AAK1: variants seen among roughly 807,000 people sequenced by gnomAD.
The protein encoded by AAK1 is AP2-associated protein kinase 1.
In AAK1, 37 loss-of-function variants were observed where a neutral mutation model predicts 116.0. The observed-to-expected ratio is 0.32, with a 90% CI of 0.25 to 0.42. The LOEUF (loss-of-function observed/expected upper bound fraction) is 0.42, where lower values mean the gene tolerates loss of function less well. Ranked by LOEUF, AAK1 falls within the 10% of genes least tolerant of loss-of-function variation. The probability of loss-of-function intolerance (pLI) is 1.00; values close to 1 mark genes in which losing one functional copy is unlikely to be tolerated. For missense variants in AAK1, 919 were observed against 1,170.6 expected (o/e 0.79, Z 3.14); for synonymous variants, 458 against 439.9 (o/e 1.04, Z -0.51).
At chr2:69,494,636 A>G (rs1055656396) in intron 17 of AAK1, among the ~76,000 whole-genome samples, 1 of 152,172 alleles carries the variant, frequency 6.6e-6, no homozygotes, top group Admixed American at 6.5e-5. Context: ...TACAGCCCAC[A>G]CTTTTCTAAC....
intron 8 of AAK1, among the ~76,000 whole-genome samples, chr2:69,529,762 T>A (rs1670177003): frequency 6.6e-6 from 1 of 152,166 alleles, no homozygotes; most frequent in Non-Finnish European, 1.5e-5. Flanking sequence ...ACTATACTGC[T>A]CCAGGCAGTT....
intron 2 of AAK1, among the ~76,000 whole-genome samples, chr2:69,563,376 T>C (rs543777165): frequency 7.8e-4 from 118 of 152,232 alleles, no homozygotes; most frequent in Non-Finnish European, 1.3e-3. Flanking sequence ...TGAGAATGAT[T>C]AGACTAGGAA....
chr2:69,511,027 G>A (rs1676373436), intron 13 of AAK1, among the ~76,000 whole-genome samples: 1 of 152,100 alleles, frequency 6.6e-6, no homozygotes, highest in Non-Finnish European at 1.5e-5. Flanking sequence ...CAAGGAAAAT[G>A]AACAAAAAAT....
In AAK1 at chr2:69,484,913, AG is replaced by A. The variant is rs755766310; in HGVS notation, c.2366-2102del. ...ATAAATAAAAACATAAAAAAAAGGA[AG>A]GAAAAAAAAGGAAGTTTTTCAGTTG... is the stretch of plus-strand genomic sequence containing the variant. On this transcript the variant is annotated intron_variant, in intron 17 of 21. Transcript: ENST00000409085. 2.7e-3 allele frequency among the ~76,000 whole-genome samples: 403 copies of A among 151,964 alleles called. 3 individuals carry two copies. The highest frequency in any genetic ancestry group is 0.014 in the Middle Eastern group (4 of 294).
At chr2:69,509,175 C>T in intron 14 of AAK1, 56 bp downstream of exon 14, 1 of 1,480,140 alleles carries the variant, frequency 6.8e-7, no homozygotes, top group South Asian at 1.1e-5. Context: ...ACACTAACAG[C>T]CGCAGGCAGA....
Position 69,472,235 on chromosome 2 carries a change from T to C in AAK1, c.*3634A>G, listed in dbSNP as rs939408219. ...TTACTGTCTTCAACAGTAACCACTC[T>C]TCATCTTACAGGGTTGAATTTGCTT... On this transcript the variant is annotated 3_prime_UTR_variant, in exon 22 of 22. Transcript: ENST00000409085. The C allele has an allele frequency of 4.5e-6, 4 of 891,844 alleles. No homozygotes were observed. Among genetic ancestry groups the C allele is most frequent in the Non-Finnish European group, 5.4e-6 (4 of 744,776 alleles). 55.2% of individuals were successfully genotyped at this position (891,844 alleles called of 1,614,324 possible).
At chr2:69,507,073 C>G (rs1001108461) in intron 15 of AAK1, among the ~76,000 whole-genome samples, 4 of 152,164 alleles carry the variant, frequency 2.6e-5, no homozygotes, top group Admixed American at 2.0e-4. Flanking sequence ...AGTAAACCAA[C>G]CTAGGATGAG....
chr2:69,505,093 C>T (rs927318458), intron 16 of AAK1, among the ~76,000 whole-genome samples: 1 of 151,398 alleles, frequency 6.6e-6, no homozygotes, highest in Admixed American at 6.6e-5. Context: ...AAATACCTCC[C>T]TCCTTCTCCC....
At chr2:69,476,087 C>T in intron 21 of AAK1, 124 bp from the exon 22 acceptor site, 1 of 1,461,682 alleles carries the variant, frequency 6.8e-7, no homozygotes, top group Admixed American at 2.6e-5. Context: ...CCAAAAAAAC[C>T]AAACCCTAGA....
rs1338270331 is a variant in AAK1 at position 69,468,638 on chromosome 2, T to G, written c.*7231A>C. The G allele has an allele frequency of 3.0e-6, 3 of 985,258 alleles. No individual in the cohort carries two copies. In the African/African-American group the frequency reaches 5.2e-5, roughly 17 times the overall value. 61.0% of individuals were successfully genotyped at this position (985,258 alleles called of 1,614,324 possible). A position where few individuals can be genotyped will look rare whatever the true frequency, so the allele number is the denominator to read the frequency against. On this transcript the variant is annotated 3_prime_UTR_variant, in exon 22 of 22. Transcript: ENST00000409085. Reference sequence around the variant, plus strand: ...AACACTAGTTTGAACAGAGTCAGTGTTTTTTGGAAATTTAAACTGAATTCA... The same window carrying G: ...AACACTAGTTTGAACAGAGTCAGTGGTTTTTGGAAATTTAAACTGAATTCA...
intron 2 of AAK1, among the ~76,000 whole-genome samples, chr2:69,586,490 C>T (rs145673003): frequency 6.6e-6 from 1 of 152,284 alleles, no homozygotes; most frequent in East Asian, 1.9e-4. Context: ...CGTCAGGAAA[C>T]CTGGGTTCCA....
At chr2:69,533,052 C>A (rs1385688046) in intron 5 of AAK1, among the ~76,000 whole-genome samples, 1 of 152,054 alleles carries the variant, frequency 6.6e-6, no homozygotes, top group Non-Finnish European at 1.5e-5. Flanking sequence ...TATGTGTGGG[C>A]AGTAAAATGG....
chr2:69,625,217 G>T (rs141285428), intron 2 of AAK1, among the ~76,000 whole-genome samples: 4 of 152,328 alleles, frequency 2.6e-5, no homozygotes, highest in African/African-American at 9.6e-5. Flanking sequence ...TAGTCATCCA[G>T]TGTCCAGTCC....
intron 5 of AAK1, among the ~76,000 whole-genome samples, chr2:69,536,378 G>A (rs974368867): frequency 6.6e-6 from 1 of 152,084 alleles, no homozygotes; most frequent in Non-Finnish European, 1.5e-5. Context: ...AGCCAACAAG[G>A]GCAGGTACAA....
intron 3 of AAK1, among the ~76,000 whole-genome samples, chr2:69,548,853 T>C (rs1671048333): frequency 6.6e-6 from 1 of 152,086 alleles, no homozygotes; most frequent in South Asian, 2.1e-4. Context: ...TCCACCTGCC[T>C]TGGCCTCCCA....
Position 69,514,760 on chromosome 2 carries a change from A to C in AAK1, c.1498-11T>G. 1.9e-6 allele frequency: 3 copies of C among 1,566,342 alleles called. No homozygotes were observed. Among genetic ancestry groups the C allele is most frequent in the Non-Finnish European group, 2.6e-6 (3 of 1,154,986 alleles). On this transcript the variant is annotated splice_polypyrimidine_tract_variant and intron_variant, in intron 12 of 21. Transcript: ENST00000409085. ...ATGTACTGCCTGAAACTGAGCAAGA[A>C]ATGAGGAGATGAATAAGGGCCTGTC...
intron 2 of AAK1, among the ~76,000 whole-genome samples, chr2:69,560,327 G>T (rs988992274): frequency 3.9e-5 from 6 of 152,322 alleles, no homozygotes; most frequent in African/African-American, 1.4e-4. Context: ...AGCTTAAGAG[G>T]GTTCAGGCTA....
intron 17 of AAK1, among the ~76,000 whole-genome samples, chr2:69,490,361 A>G (rs983674967): frequency 4.6e-5 from 7 of 152,318 alleles, no homozygotes; most frequent in Admixed American, 1.3e-4. Context: ...TGTGCACTCA[A>G]TGTTCACAGA....
intron 12 of AAK1, among the ~76,000 whole-genome samples, chr2:69,515,663 T>C (rs1358487181): frequency 6.6e-6 from 1 of 152,122 alleles, no homozygotes; most frequent in Non-Finnish European, 1.5e-5. Context: ...TCCCCACTGT[T>C]AGGGGCTATG....
Sources: allele counts gnomAD v4.1 joint callset (sites outside exome capture counted in the v4.1 genomes callset), GRCh38; gene constraint gnomAD v4.1.1; transcripts MANE v1.5; gene names NCBI Gene and HGNC (gene_info 2026-07-23, HGNC 2026-07-21).